The following PCDHA6 variants were observed in gnomAD, a reference collection of about 807,000 sequenced individuals.
PCDHA6 encodes protocadherin alpha 6.
A neutral mutation model predicts 60.3 loss-of-function variants in PCDHA6; 55 were observed. The ratio of observed to expected loss-of-function variants is 0.91; its 90% CI spans 0.73 to 1.14. The LOEUF (loss-of-function observed/expected upper bound fraction) is 1.14. Ranked by LOEUF, PCDHA6 falls within the 50% of genes most tolerant of loss-of-function variation. PCDHA6 has a pLI of 0.00. For synonymous variants in PCDHA6, 652 were observed against 557.9 expected (o/e 1.17, Z -2.38); for missense variants, 1,327 against 1,256.5 (o/e 1.06, Z -0.85).
intron 1 of PCDHA6, chr5:140,881,257 C>T (rs2058639669): frequency 2.0e-6 from 1 of 512,572 alleles, no homozygotes; most frequent in Non-Finnish European, 2.5e-6. Context: ...CAAGGTTTTA[C>T]TCAGTGATGA....
intron 1 of PCDHA6, chr5:140,841,311 G>C: frequency 1.3e-6 from 2 of 1,582,248 alleles, no homozygotes; most frequent in Non-Finnish European, 1.7e-6. Context: ...GATAGGAAAC[G>C]ACTATTTAAC....
At chr5:140,857,192 G>A in intron 1 of PCDHA6, 2 of 1,598,474 alleles carry the variant, frequency 1.3e-6, no homozygotes, top group Non-Finnish European at 1.7e-6. Context: ...AGGAGCCAAC[G>A]GACAGGTCAC....
chr5:140,863,392 C>A (rs782692076), intron 1 of PCDHA6: 3 of 921,584 alleles, frequency 3.3e-6, no homozygotes, highest in Non-Finnish European at 3.4e-6. Context: ...CTCGTGCATG[C>A]CGGGCAAGCC....
At chr5:140,841,397 G>T in intron 1 of PCDHA6, 3 of 1,613,254 alleles carry the variant, frequency 1.9e-6, no homozygotes, top group Non-Finnish European at 2.5e-6. Flanking sequence ...AGCCTGGAAG[G>T]TGGGGAGCGG....
In PCDHA6 at chr5:140,857,002, T is replaced by G. The variant is rs1215860604; in HGVS notation, c.2394+26517T>G. On this transcript the variant is annotated intron_variant, in intron 1 of 3. Transcript: ENST00000529310. ...AGGACAGTAACACTTATGAAATTCATGTAGATGTTACAGATAAGGGAAACC... is the reference window on the plus strand; with the variant it reads ...AGGACAGTAACACTTATGAAATTCAGGTAGATGTTACAGATAAGGGAAACC... 4 of 1,595,276 alleles carry G rather than the reference T, an allele frequency of 2.5e-6. No individual in the cohort carries two copies. In the African/African-American group the frequency reaches 5.4e-5, roughly 22 times the overall value.
intron 1 of PCDHA6, among the ~76,000 whole-genome samples, chr5:140,895,744 G>T (rs534394379): frequency 6.6e-6 from 1 of 152,182 alleles, no homozygotes; most frequent in Admixed American, 6.5e-5. Flanking sequence ...GCTGCAAAGG[G>T]CATGATCTTT....
intron 1 of PCDHA6, among the ~76,000 whole-genome samples, chr5:140,932,619 A>T (rs535899807): frequency 5.3e-5 from 8 of 152,056 alleles, no homozygotes; most frequent in African/African-American, 1.9e-4. Context: ...TGAAGCTGAT[A>T]ACCACACTAA....
chr5:140,863,403 C>A (rs1554158174), intron 1 of PCDHA6: 1 of 835,368 alleles, frequency 1.2e-6, no homozygotes, highest in South Asian at 1.3e-5. Flanking sequence ...CGGGCAAGCC[C>A]ACGCTGGTGT....
chr5:140,847,566 G>A (rs1309857788), intron 1 of PCDHA6: 2 of 149,184 alleles, frequency 1.3e-5, no homozygotes, highest in African/African-American at 4.9e-5. Context: ...ATTGCCCCGA[G>A]TACTAAGGAT....
At chr5:140,874,188 A>G (rs1478438376) in intron 1 of PCDHA6, among the ~76,000 whole-genome samples, 2 of 152,208 alleles carry the variant, frequency 1.3e-5, no homozygotes, top group Non-Finnish European at 2.9e-5. Flanking sequence ...TAAAGGTGTC[A>G]TATTTCAGTT....
chr5:140,981,940 T>A (rs2096958372), intron 2 of PCDHA6, among the ~76,000 whole-genome samples: 1 of 152,160 alleles, frequency 6.6e-6, no homozygotes, highest in Non-Finnish European at 1.5e-5. Flanking sequence ...TCAGGAAATA[T>A]AGGGTGGGTC....
intron 1 of PCDHA6, chr5:140,884,308 G>C: frequency 6.2e-7 from 1 of 1,613,766 alleles, no homozygotes; most frequent in Non-Finnish European, 8.5e-7. Flanking sequence ...AGGCTTCGTC[G>C]AGGGCGTCGG....
chr5:140,903,962 G>C (rs548680386), intron 1 of PCDHA6, among the ~76,000 whole-genome samples: 21 of 152,226 alleles, frequency 1.4e-4, no homozygotes. Flanking sequence ...ATTATTTGTT[G>C]ATTTTTGGTC....
intron 1 of PCDHA6, among the ~76,000 whole-genome samples, chr5:140,889,313 T>G (rs1554183863): frequency 6.6e-6 from 1 of 152,078 alleles, no homozygotes; most frequent in Non-Finnish European, 1.5e-5. Flanking sequence ...ACTGTTGAAG[T>G]TATCTGTATC....
intron 1 of PCDHA6, among the ~76,000 whole-genome samples, chr5:140,902,823 G>A (rs182466889): frequency 1.6e-3 from 246 of 151,864 alleles, no homozygotes; most frequent in Non-Finnish European, 2.9e-3. Flanking sequence ...TTTGGTTTTC[G>A]ATTTCTGAGT....
intron 1 of PCDHA6, chr5:140,877,906 A>G: frequency 2.1e-6 from 3 of 1,435,008 alleles, no homozygotes; most frequent in Non-Finnish European, 1.8e-6. Flanking sequence ...TTATAACTAC[A>G]TTCTCTCATT....
At chr5:140,966,712 T>C (rs2153748592) in intron 1 of PCDHA6, 2 of 1,392,090 alleles carry the variant, frequency 1.4e-6, no homozygotes, top group Middle Eastern at 2.7e-4. Flanking sequence ...GGGGCACGGC[T>C]GGGGAAGCTG....
intron 1 of PCDHA6, chr5:140,884,638 G>C: frequency 6.2e-7 from 1 of 1,610,712 alleles, no homozygotes; most frequent in South Asian, 1.1e-5. Context: ...GCCAGAGGGA[G>C]GAGGACTCAG....
intron 1 of PCDHA6, among the ~76,000 whole-genome samples, chr5:140,934,465 A>G (rs1313806464): frequency 1.3e-5 from 2 of 152,152 alleles, no homozygotes; most frequent in African/African-American, 4.8e-5. Context: ...ATGTTTTAAC[A>G]TTATTTTGAA....
Sources: allele counts gnomAD v4.1 joint callset (sites outside exome capture counted in the v4.1 genomes callset), GRCh38; gene constraint gnomAD v4.1.1; transcripts MANE v1.5; gene names NCBI Gene and HGNC (gene_info 2026-07-23, HGNC 2026-07-21).